OSBPL8: variants seen among roughly 807,000 people sequenced by gnomAD.
The protein encoded by OSBPL8 is oxysterol-binding protein-related protein 8.
Under a neutral mutation model 125.5 loss-of-function variants are expected in OSBPL8, and 59 were observed. That is an observed-to-expected ratio of 0.47 (90% CI 0.38 to 0.58). OSBPL8 has a LOEUF of 0.58. Ranked by LOEUF, OSBPL8 falls within the 20% of genes least tolerant of loss-of-function variation. The probability of loss-of-function intolerance (pLI) is 0.00; values close to 1 mark genes in which losing one functional copy is unlikely to be tolerated. For missense variants in OSBPL8, 758 were observed against 1,047.8 expected, an observed-to-expected ratio of 0.72 and a Z score of 3.82; for synonymous variants, 330 against 338.9, an observed-to-expected ratio of 0.97 and a Z score of 0.29.
intron 1 of OSBPL8, among the ~76,000 whole-genome samples, chr12:76,536,813 T>A (rs940414653): frequency 3.9e-5 from 4 of 102,298 alleles, no homozygotes; most frequent in African/African-American, 1.3e-4. Context: ...TATATAGGAG[T>A]ATCAAAAAAA....
intron 2 of OSBPL8, among the ~76,000 whole-genome samples, chr12:76,468,173 C>T (rs944583138): frequency 6.6e-6 from 1 of 152,028 alleles, no homozygotes; most frequent in African/African-American, 2.4e-5. Flanking sequence ...GATTAATTTA[C>T]CAACTTAATT....
chr12:76,463,558 C>T (rs1275626064), intron 2 of OSBPL8, among the ~76,000 whole-genome samples: 1 of 152,066 alleles, frequency 6.6e-6, no homozygotes, highest in Admixed American at 6.6e-5. Flanking sequence ...ACCTGAATGG[C>T]TTAATCATAA....
At chr12:76,402,302 T>C (rs1055132874) in intron 6 of OSBPL8, among the ~76,000 whole-genome samples, 13 of 152,166 alleles carry the variant, frequency 8.5e-5, no homozygotes, top group African/African-American at 2.9e-4. Context: ...TTTTAAAACA[T>C]TATGCAGGTC....
chr12:76,547,944 C>G (rs1322307435), intron 1 of OSBPL8, among the ~76,000 whole-genome samples: 1 of 152,080 alleles, frequency 6.6e-6, no homozygotes, highest in Non-Finnish European at 1.5e-5. Context: ...GGCATAAAGG[C>G]ACAAACAACT....
chr12:76,434,572 A>C (rs1871227074), intron 4 of OSBPL8, among the ~76,000 whole-genome samples: 1 of 152,224 alleles, frequency 6.6e-6, no homozygotes, highest in Admixed American at 6.5e-5. Context: ...AACTGAAAGA[A>C]TAGAAGAAAA....
chr12:76,518,115 T>A (rs2137241160), intron 1 of OSBPL8, among the ~76,000 whole-genome samples: 1 of 152,298 alleles, frequency 6.6e-6, no homozygotes, highest in Middle Eastern at 3.4e-3. Context: ...TGAAGTCTTA[T>A]CCAAGACTCA....
At chr12:76,457,817 A>C (rs1364719034) in intron 3 of OSBPL8, among the ~76,000 whole-genome samples, 1 of 152,196 alleles carries the variant, frequency 6.6e-6, no homozygotes, top group African/African-American at 2.4e-5. Flanking sequence ...AAAATATTTC[A>C]GTTAATATTT....
At chr12:76,486,751 T>C (rs1413847485) in intron 2 of OSBPL8, among the ~76,000 whole-genome samples, 3 of 152,192 alleles carry the variant, frequency 2.0e-5, no homozygotes, top group Non-Finnish European at 4.4e-5. Flanking sequence ...AAAGAATATA[T>C]GTGGCAATTG....
At position 76,394,736 on chromosome 12, in the gene OSBPL8, A is replaced by G; in HGVS notation, c.673-7T>C. ...CCGCTTCACCTTTTGGACCCTTAAT[A>G]ACAAAATAAACAAAATAAATGGTAT... On this transcript the variant is annotated splice_region_variant and splice_polypyrimidine_tract_variant and intron_variant, in intron 8 of 23. Coordinates refer to ENST00000261183, the MANE Select transcript of OSBPL8 (RefSeq NM_020841.5). 1 of 1,569,288 alleles carries G rather than the reference A, an allele frequency of 6.4e-7. No homozygotes were observed. Among genetic ancestry groups the G allele is most frequent in the Non-Finnish European group, 8.7e-7 (1 of 1,144,468 alleles).
chr12:76,442,440 A>G (rs999994991), intron 4 of OSBPL8, among the ~76,000 whole-genome samples: 1 of 152,212 alleles, frequency 6.6e-6, no homozygotes, highest in African/African-American at 2.4e-5. Context: ...ACTTCAAAAC[A>G]GAAAACAACC....
chr12:76,457,938 CAAGT>C (rs1265325659), intron 3 of OSBPL8, among the ~76,000 whole-genome samples: 1 of 151,944 alleles, frequency 6.6e-6, no homozygotes, highest in East Asian at 1.9e-4. Flanking sequence ...AATTAAATGC[CAAGT>C]AAGTATCACA....
rs376922818 is a variant in OSBPL8, at chr12:76,476,019, T to G, written c.42+11491A>C. Reference sequence around the variant, plus strand: ...TGCGCTTTCTCTCAAATGGGCTGTTTACAACTGAGGAGACAGTTTATGGAT... The same window carrying G: ...TGCGCTTTCTCTCAAATGGGCTGTTGACAACTGAGGAGACAGTTTATGGAT... On this transcript the variant is annotated intron_variant, in intron 2 of 23. Coordinates refer to ENST00000261183, the MANE Select transcript of OSBPL8 (RefSeq NM_020841.5). Among the ~76,000 whole-genome samples the G allele has an allele frequency of 3.0e-4, 46 of 152,300 alleles. 1 individual carries two copies. The East Asian group carries it at 8.1e-3, about 27-fold the overall frequency.
rs541364725 is a variant in OSBPL8 at position 76,360,457 on chromosome 12, C to T, written c.2329-1646G>A. ...TTCATGGGCTGGCGCTGAGTGTCTG[C>T]GGCTTTTCCAGGTGCACAGTGCAAG... On this transcript the variant is annotated intron_variant, in intron 21 of 23. Coordinates refer to ENST00000261183, the MANE Select transcript of OSBPL8 (RefSeq NM_020841.5). 2.4e-3 allele frequency among the ~76,000 whole-genome samples: 367 copies of T among 152,306 alleles called. 1 individual carries two copies. The highest frequency in any genetic ancestry group is 3.4e-3 in the Middle Eastern group (1 of 294).
intron 1 of OSBPL8, among the ~76,000 whole-genome samples, chr12:76,509,003 C>T (rs959766548): frequency 2.6e-5 from 4 of 152,200 alleles, no homozygotes; most frequent in Admixed American, 6.5e-5. Context: ...TTTCACTTTA[C>T]TCTATGAATT....
chr12:76,523,577 G>A (rs922936511), intron 1 of OSBPL8, among the ~76,000 whole-genome samples: 2 of 152,128 alleles, frequency 1.3e-5, no homozygotes, highest in Non-Finnish European at 2.9e-5. Flanking sequence ...ATGTCATGAG[G>A]GTGGAGCCCT....
intron 14 of OSBPL8, among the ~76,000 whole-genome samples, chr12:76,385,594 C>T (rs542253603): frequency 1.2e-4 from 18 of 152,052 alleles, no homozygotes; most frequent in South Asian, 6.2e-4. Flanking sequence ...GGAAAAATCA[C>T]TGGGAGCTGC....
At chr12:76,487,797 G>A (rs1723246139) in intron 1 of OSBPL8, among the ~76,000 whole-genome samples, 179 bp from the exon 2 acceptor site, 2 of 151,966 alleles carry the variant, frequency 1.3e-5, no homozygotes, top group Middle Eastern at 3.4e-3. Context: ...AAAAATGAAA[G>A]AAGAAAAAAA....
intron 2 of OSBPL8, among the ~76,000 whole-genome samples, chr12:76,482,178 A>G (rs549762005): frequency 9.2e-5 from 14 of 152,254 alleles, no homozygotes; most frequent in Non-Finnish European, 2.1e-4. Context: ...AGATTCATAC[A>G]TATTTTTTAA....
chr12:76,554,031 G>T (rs1393523889), intron 1 of OSBPL8, among the ~76,000 whole-genome samples: 1 of 146,268 alleles, frequency 6.8e-6, no homozygotes, highest in Admixed American at 6.8e-5. Flanking sequence ...CTGTGAATCA[G>T]CCTTATTCTT....
Sources: allele counts gnomAD v4.1 joint callset (sites outside exome capture counted in the v4.1 genomes callset), GRCh38; gene constraint gnomAD v4.1.1; transcripts MANE v1.5; gene names NCBI Gene and HGNC (gene_info 2026-07-23, HGNC 2026-07-21).